Variants in FAM107B observed in about 807,000 individuals in gnomAD.
FAM107B encodes family with sequence similarity 107 member B, also known as protein FAM107B.
Under a neutral mutation model 31.5 loss-of-function variants are expected in FAM107B, and 21 were observed. That is an observed-to-expected ratio of 0.67 (90% CI 0.47 to 0.96). The LOEUF (loss-of-function observed/expected upper bound fraction) is 0.96, where lower values mean the gene tolerates loss of function less well. Among genes scored for constraint, FAM107B ranks in the 40% least tolerant of loss-of-function variants. FAM107B has a pLI of 0.00. For synonymous variants in FAM107B, 157 were observed against 141.5 expected (o/e 1.11, Z -0.78); for missense variants, 452 against 377.1 (o/e 1.20, Z -1.64).
At chr10:14,691,568 C>T (rs551041146) in intron 1 of FAM107B, among the ~76,000 whole-genome samples, 10 of 152,250 alleles carry the variant, frequency 6.6e-5, no homozygotes, top group African/African-American at 2.4e-4. Context: ...CCTTATCTTC[C>T]TCCTTCAACA....
intron 1 of FAM107B, among the ~76,000 whole-genome samples, chr10:14,671,545 A>G (rs915753718): frequency 1.3e-5 from 2 of 151,498 alleles, no homozygotes; most frequent in Admixed American, 1.3e-4. Context: ...TTTTCTGGGG[A>G]CCCCCTCCCA....
intron 1 of FAM107B, among the ~76,000 whole-genome samples, chr10:14,735,291 A>ATT (rs35706686): frequency 5.4e-5 from 8 of 149,106 alleles, no homozygotes; most frequent in South Asian, 2.1e-4. Flanking sequence ...ATTTTTTGCA[A>ATT]TTTTTTTTTT....
chr10:14,585,608 C>T lies in FAM107B; in HGVS notation c.470-55093G>A, dbSNP rs538797227. 5.9e-5 allele frequency among the ~76,000 whole-genome samples: 9 copies of T among 152,274 alleles called. No individual in the cohort carries two copies. In the East Asian group the frequency reaches 7.7e-4, roughly 13 times the overall value. ...ATTAGCTTATCAATGACAAAACAGACGGCCATCTAAAACACACACTGGGAG... is the reference window on the plus strand; with the variant it reads ...ATTAGCTTATCAATGACAAAACAGATGGCCATCTAAAACACACACTGGGAG... On this transcript the variant is annotated intron_variant, in intron 2 of 4. Coordinates refer to ENST00000181796, the MANE Select transcript of FAM107B (RefSeq NM_031453.4).
At chr10:14,706,048 T>C (rs1338628298) in intron 1 of FAM107B, among the ~76,000 whole-genome samples, 1 of 152,200 alleles carries the variant, frequency 6.6e-6, no homozygotes, top group Non-Finnish European at 1.5e-5. Flanking sequence ...AATTCTGATT[T>C]ACAACCCAGA....
At chr10:14,550,578 G>A (rs866527477) in intron 2 of FAM107B, among the ~76,000 whole-genome samples, 21 of 152,296 alleles carry the variant, frequency 1.4e-4, no homozygotes, top group African/African-American at 5.1e-4. Context: ...AGGTGGCGTG[G>A]CACCCCTTAA....
chr10:14,715,210 C>T (rs1425171873), intron 1 of FAM107B, among the ~76,000 whole-genome samples: 1 of 151,930 alleles, frequency 6.6e-6, no homozygotes, highest in Non-Finnish European at 1.5e-5. Flanking sequence ...TTGGCATCTT[C>T]TGAGAGGAAG....
intron 1 of FAM107B, among the ~76,000 whole-genome samples, chr10:14,718,819 G>A (rs1391329285): frequency 6.6e-6 from 1 of 152,212 alleles, no homozygotes; most frequent in Non-Finnish European, 1.5e-5. Context: ...TCTGTTCATT[G>A]CAGTTGATGA....
intron 2 of FAM107B, among the ~76,000 whole-genome samples, chr10:14,565,653 G>T (rs570526321): frequency 1.3e-5 from 2 of 152,170 alleles, no homozygotes; most frequent in East Asian, 3.8e-4. Flanking sequence ...TGGATACGTA[G>T]ATATGACAGC....
At chr10:14,625,660 C>T (rs1182938883) in intron 2 of FAM107B, among the ~76,000 whole-genome samples, 2 of 151,892 alleles carry the variant, frequency 1.3e-5, no homozygotes, top group African/African-American at 4.8e-5. Flanking sequence ...AACTGAGCTG[C>T]GTTTTACAAT....
intron 3 of FAM107B, among the ~76,000 whole-genome samples, chr10:14,527,433 A>G (rs1846402622): frequency 6.6e-6 from 1 of 152,274 alleles, no homozygotes; most frequent in Admixed American, 6.5e-5. Flanking sequence ...AGCCTGTAAC[A>G]CATAATCTCT....
At chr10:14,675,756 T>A (rs1854667157) in intron 1 of FAM107B, among the ~76,000 whole-genome samples, 1 of 152,158 alleles carries the variant, frequency 6.6e-6, no homozygotes, top group Non-Finnish European at 1.5e-5. Flanking sequence ...AAGGGTAGGA[T>A]TCTGTTTCAA....
At chr10:14,655,901 G>A (rs1854039761) in intron 2 of FAM107B, among the ~76,000 whole-genome samples, 1 of 152,132 alleles carries the variant, frequency 6.6e-6, no homozygotes, top group East Asian at 1.9e-4. Context: ...TCAGGGGCTT[G>A]AGGCAGGTTC....
intron 1 of FAM107B, among the ~76,000 whole-genome samples, chr10:14,677,795 G>A (rs1854726607): frequency 6.6e-6 from 1 of 152,162 alleles, no homozygotes; most frequent in Admixed American, 6.5e-5. Context: ...TGGGAAAACG[G>A]GGGCAAGTTG....
At chr10:14,576,578 A>G (rs1564582594) in intron 2 of FAM107B, among the ~76,000 whole-genome samples, 1 of 152,132 alleles carries the variant, frequency 6.6e-6, no homozygotes, top group Non-Finnish European at 1.5e-5. Flanking sequence ...GAAAGCAGTG[A>G]ACAGTGGGAA....
At chr10:14,615,750 G>A (rs543521692) in intron 2 of FAM107B, among the ~76,000 whole-genome samples, 69 of 152,224 alleles carry the variant, frequency 4.5e-4, no homozygotes, top group Non-Finnish European at 7.3e-4. Context: ...AACAGAGTAA[G>A]TTAAATAAAA....
chr10:14,601,258 A>T (rs1852387571), intron 2 of FAM107B, among the ~76,000 whole-genome samples: 1 of 152,128 alleles, frequency 6.6e-6, no homozygotes, highest in South Asian at 2.1e-4. Context: ...CAGCTTGCCA[A>T]ATAATCTTTC....
At chr10:14,699,258 G>A (rs1471454529) in intron 1 of FAM107B, among the ~76,000 whole-genome samples, 1 of 152,170 alleles carries the variant, frequency 6.6e-6, no homozygotes, top group Non-Finnish European at 1.5e-5. Context: ...ATTTTGATGG[G>A]TTGATGTATT....
At chr10:14,617,697 G>A (rs1279501733) in intron 2 of FAM107B, among the ~76,000 whole-genome samples, 4 of 150,770 alleles carry the variant, frequency 2.7e-5, no homozygotes, top group Non-Finnish European at 5.9e-5. Flanking sequence ...CATCTAGGAA[G>A]GTGCTGTCCG....
At chr10:14,755,111 C>T (rs180872700) in intron 1 of FAM107B, among the ~76,000 whole-genome samples, 3 of 152,222 alleles carry the variant, frequency 2.0e-5, no homozygotes, top group Non-Finnish European at 1.5e-5. Flanking sequence ...TAAAAACCAA[C>T]CAGTTGAGCC....
Sources: allele counts gnomAD v4.1 joint callset (sites outside exome capture counted in the v4.1 genomes callset), GRCh38; gene constraint gnomAD v4.1.1; transcripts MANE v1.5; gene names NCBI Gene and HGNC (gene_info 2026-07-23, HGNC 2026-07-21).